The following NUCB1 variants were observed in gnomAD, a reference collection of about 807,000 sequenced individuals.
NUCB1 encodes the protein nucleobindin-1.
NUCB1 carries 47 observed loss-of-function variants against 61.2 expected under a neutral mutation model. The observed-to-expected ratio is 0.77, with a 90% CI of 0.61 to 0.98. NUCB1 has a LOEUF of 0.98. Ranked by LOEUF, NUCB1 falls within the 50% of genes least tolerant of loss-of-function variation. The pLI is 0.00. For synonymous variants in NUCB1, 234 were observed against 243.1 expected (o/e 0.96, Z 0.35); for missense variants, 583 against 605.3 (o/e 0.96, Z 0.39).
chr19:48,903,318 CAT>C (rs1281047181), intron 2 of NUCB1, among the ~76,000 whole-genome samples: 1 of 150,962 alleles, frequency 6.6e-6, no homozygotes, highest in Non-Finnish European at 1.5e-5. Context: ...CAGTGCCTGG[CAT>C]ATGATAGGGG....
At chr19:48,901,512 C>T (rs2037352870) in intron 2 of NUCB1, among the ~76,000 whole-genome samples, 1 of 152,202 alleles carries the variant, frequency 6.6e-6, no homozygotes, top group African/African-American at 2.4e-5. Flanking sequence ...GCCTGTAATC[C>T]TAGCACTTTG....
chr19:48,921,858 A>G lies in NUCB1; in HGVS notation c.1205A>G (p.Gln402Arg), dbSNP rs1343720873. Residue 402 changes from glutamine to arginine, a missense_variant, in exon 12 of 13, where the codon CAG (glutamine) becomes CGG (arginine). Gln to Arg is a conservative substitution (Grantham distance 43, BLOSUM62 1). Coordinates refer to ENST00000405315, the MANE Select transcript of NUCB1 (RefSeq NM_006184.6). ...AVLHMEQRKQ[Q>R]QQQQQGHKAP... ...CTGCACATGGAGCAGCGGAAGCAGC[A>G]GCAGCAGCAGCAGCAAGGCCACAAG... 3 of 1,612,162 alleles carry G rather than the reference A, an allele frequency of 1.9e-6. No individual in the cohort carries two copies. The highest frequency in any genetic ancestry group is 1.1e-5 in the South Asian group (1 of 91,078).
Position 48,919,045 on chromosome 19 carries a change from G to T in NUCB1, c.832G>T (p.Asp278Tyr). Residue 278 changes from aspartate (D) to tyrosine (Y), a missense_variant, in exon 9 of 13, where the codon GAC (aspartate) becomes TAC (tyrosine). Coordinates refer to ENST00000405315, the MANE Select transcript of NUCB1 (RefSeq NM_006184.6). ...GCTCCTGCAGCTGGAGAAAGTGTACGACCCAAAGAATGAGGAGGACGACAT... is the reference window on the plus strand; with the variant it reads ...GCTCCTGCAGCTGGAGAAAGTGTACTACCCAAAGAATGAGGAGGACGACAT... ...LFTKELEKVYDPKNEEDDMRE... is the reference protein window; with the variant it reads ...LFTKELEKVYYPKNEEDDMRE... 1 of 1,613,966 alleles carries T rather than the reference G, an allele frequency of 6.2e-7. No homozygotes were observed. Among genetic ancestry groups the T allele is most frequent in the South Asian group, 1.1e-5 (1 of 91,044 alleles).
intron 2 of NUCB1, chr19:48,901,246 C>T: frequency 2.0e-6 from 1 of 498,194 alleles, no homozygotes; most frequent in South Asian, 2.2e-5. Context: ...TTGCTAGTTC[C>T]CAGTAGCAGT....
intron 7 of NUCB1, among the ~76,000 whole-genome samples, chr19:48,916,790 C>T (rs1310549693): frequency 6.6e-6 from 1 of 152,146 alleles, no homozygotes; most frequent in Non-Finnish European, 1.5e-5. Flanking sequence ...GTGGCACGCA[C>T]CTGCAGTCCC....
intron 4 of NUCB1, among the ~76,000 whole-genome samples, chr19:48,909,633 C>T (rs1406750705): frequency 2.6e-5 from 4 of 152,064 alleles, no homozygotes; most frequent in Non-Finnish European, 5.9e-5. Flanking sequence ...CCTCCCCCTC[C>T]CACGCTCAAG....
At chr19:48,905,337 G>T (rs943730692) in intron 3 of NUCB1, among the ~76,000 whole-genome samples, 1 of 152,096 alleles carries the variant, frequency 6.6e-6, no homozygotes, top group Admixed American at 6.5e-5. Flanking sequence ...TCACTGAGTA[G>T]GACACTGAAC....
At chr19:48,913,332 AG>A in intron 6 of NUCB1, 136 bp downstream of exon 6, 2 of 1,210,878 alleles carry the variant, frequency 1.7e-6, no homozygotes, top group Non-Finnish European at 2.3e-6. Context: ...TGGCTGCCCC[AG>A]GGTCTGCTGG....
rs757848113 is a variant in NUCB1, at chr19:48,900,884, G to C, written c.88G>C (p.Glu30Gln). The change falls in exon 2 of 13, where the codon GAG becomes CAG. Residue 30 changes from glutamate (E) to glutamine (Q), a missense_variant. Transcript: ENST00000405315. The stretch of plus-strand genomic sequence containing the variant: ...TCGCGCCGTGCTGGCTGTCCCCCTG[G>C]AGCGAGGGGCGCCCAACAAGGAGGA... Reference protein sequence around the residue: ...LLRAVLAVPLERGAPNKEETP... With the variant: ...LLRAVLAVPLQRGAPNKEETP... 23 of 1,613,790 alleles carry C rather than the reference G, an allele frequency of 1.4e-5. No individual in the cohort carries two copies. Among genetic ancestry groups the C allele is most frequent in the Non-Finnish European group, 1.9e-5 (23 of 1,180,036 alleles).
chr19:48,910,114 C>G (rs2037455579), intron 4 of NUCB1, among the ~76,000 whole-genome samples: 1 of 151,896 alleles, frequency 6.6e-6, no homozygotes, highest in African/African-American at 2.4e-5. Flanking sequence ...GAGTCTCACT[C>G]TGTCACCAGG....
At chr19:48,907,176 G>A (rs949061300) in intron 4 of NUCB1, among the ~76,000 whole-genome samples, 1 of 150,838 alleles carries the variant, frequency 6.6e-6, no homozygotes. Flanking sequence ...GAATTTCACT[G>A]TATTAGCCAG....
Position 48,903,894 on chromosome 19 carries a change from A to G in NUCB1, c.136-453A>G, listed in dbSNP as rs1215130049. Among the ~76,000 whole-genome samples the G allele has an allele frequency of 3.8e-3, 456 of 121,548 alleles. 4 individuals are homozygous for G. The highest frequency in any genetic ancestry group is 0.013 in the African/African-American group (402 of 31,312). The allele number at this position is 121,548 out of a possible 152,430, so 79.7% of individuals were successfully genotyped here. Reference sequence around the variant, plus strand: ...GATGGATGGATGGATGGGTGGGTGGATGGATGGATGGGTGGATGGATGGAT... The same window carrying G: ...GATGGATGGATGGATGGGTGGGTGGGTGGATGGATGGGTGGATGGATGGAT... On this transcript the variant is annotated intron_variant, in intron 2 of 12. Coordinates refer to ENST00000405315, the MANE Select transcript of NUCB1 (RefSeq NM_006184.6).
intron 10 of NUCB1, among the ~76,000 whole-genome samples, chr19:48,920,839 T>C (rs2037601221): frequency 6.6e-6 from 1 of 151,928 alleles, no homozygotes; most frequent in Non-Finnish European, 1.5e-5. Context: ...TATATATTTT[T>C]CAAGATGCCC....
At chr19:48,913,717 T>C (rs1320703753) in intron 7 of NUCB1, among the ~76,000 whole-genome samples, 153 bp downstream of exon 7, 1 of 152,130 alleles carries the variant, frequency 6.6e-6, no homozygotes, top group Non-Finnish European at 1.5e-5. Flanking sequence ...CAGCCCTGCC[T>C]CTCCCGACTA....
In NUCB1 at chr19:48,912,804, A is replaced by C. The variant is rs375192341; in HGVS notation, c.481-207A>C. Among the ~76,000 whole-genome samples the C allele has an allele frequency of 2.8e-5, 4 of 142,500 alleles. No homozygotes were observed. In the East Asian group the frequency reaches 6.2e-4, roughly 22 times the overall value. 93.5% of individuals were successfully genotyped at this position (142,500 alleles called of 152,430 possible). A position where few individuals can be genotyped will look rare whatever the true frequency, so the allele number is the denominator to read the frequency against. On this transcript the variant is annotated intron_variant, in intron 5 of 12. Coordinates refer to ENST00000405315, the MANE Select transcript of NUCB1 (RefSeq NM_006184.6). ...TGAGGCAGTGAGCAGAGATTGTGCCACCGCACTCCAGCCTGGGCAACAGAG... is the reference window on the plus strand; with the variant it reads ...TGAGGCAGTGAGCAGAGATTGTGCCCCCGCACTCCAGCCTGGGCAACAGAG...
chr19:48,906,008 G>C, intron 4 of NUCB1, 123 bp downstream of exon 4: 1 of 946,860 alleles, frequency 1.1e-6, no homozygotes, highest in South Asian at 1.6e-5. Context: ...GAAATGTGCT[G>C]AAATGTGCGT....
chr19:48,919,368 C>A (rs2037580451), intron 10 of NUCB1, 82 bp downstream of exon 10: 1 of 1,017,002 alleles, frequency 9.8e-7, no homozygotes, highest in East Asian at 2.4e-5. Flanking sequence ...TAGGCCCCTT[C>A]TCTTTCTCTC....
At chr19:48,901,933 T>A (rs532936321) in intron 2 of NUCB1, among the ~76,000 whole-genome samples, 1 of 152,192 alleles carries the variant, frequency 6.6e-6, no homozygotes, top group Non-Finnish European at 1.5e-5. Context: ...CCATTCCACA[T>A]GTTTCCTGAG....
At chr19:48,916,515 G>GA (rs1379977921) in intron 7 of NUCB1, among the ~76,000 whole-genome samples, 4 of 152,094 alleles carry the variant, frequency 2.6e-5, no homozygotes. Context: ...AGCTCCTTGG[G>GA]AGGCAGAGGT....
Sources: allele counts gnomAD v4.1 joint callset (sites outside exome capture counted in the v4.1 genomes callset), GRCh38; gene constraint gnomAD v4.1.1; transcripts MANE v1.5; gene names NCBI Gene and HGNC (gene_info 2026-07-23, HGNC 2026-07-21).